Variants in SLC4A4 observed in about 807,000 individuals in gnomAD.
SLC4A4 encodes electrogenic sodium bicarbonate cotransporter 1.
In SLC4A4, 27 loss-of-function variants were observed where a neutral mutation model predicts 111.5. That is an observed-to-expected ratio of 0.24 (90% CI 0.18 to 0.33). The LOEUF is 0.33. SLC4A4 is among the 10% of genes least tolerant of loss of function. SLC4A4 has a pLI of 1.00. For synonymous variants in SLC4A4, 443 were observed against 463.4 expected (o/e 0.96, Z 0.57); for missense variants, 909 against 1,315.5 (o/e 0.69, Z 4.78).
intron 2 of SLC4A4, among the ~76,000 whole-genome samples, chr4:71,163,882 C>A (rs917082515): frequency 1.3e-5 from 2 of 152,224 alleles, no homozygotes. Context: ...AAACTAATTT[C>A]TTGTCCTATT....
intron 2 of SLC4A4, among the ~76,000 whole-genome samples, chr4:71,179,252 T>G (rs1017446198): frequency 2.0e-5 from 3 of 152,166 alleles, no homozygotes; most frequent in Admixed American, 6.5e-5. Context: ...AATATCATAC[T>G]GAATGGGCAA....
In SLC4A4 at chr4:71,339,365, T is replaced by C; in HGVS notation, c.254-5T>C. On this transcript the variant is annotated splice_region_variant and splice_polypyrimidine_tract_variant and intron_variant, in intron 3 of 25. Coordinates refer to ENST00000264485, the MANE Select transcript of SLC4A4 (RefSeq NM_001098484.3). ...TGTTTAACCACAGTATTTTCACTTC[T>C]GCAGTCTCTCCTGCTGCAGAACGCA... 6.2e-7 allele frequency: 1 copy of C among 1,614,198 alleles called. No individual in the cohort carries two copies. Among genetic ancestry groups the C allele is most frequent in the Non-Finnish European group, 8.5e-7 (1 of 1,180,036 alleles).
At chr4:71,534,081 A>G in intron 17 of SLC4A4, 146 bp from the exon 18 acceptor site, 1 of 706,270 alleles carries the variant, frequency 1.4e-6, no homozygotes, top group Non-Finnish European at 2.5e-6. Context: ...TTGGTGAATA[A>G]TCTTCATTCT....
At chr4:71,175,400 G>T (rs1040358902) in intron 2 of SLC4A4, among the ~76,000 whole-genome samples, 4 of 152,268 alleles carry the variant, frequency 2.6e-5, no homozygotes, top group Admixed American at 1.3e-4. Context: ...CCCAGGAAGC[G>T]CAATGGGTCA....
intron 7 of SLC4A4, chr4:71,436,931 A>G: frequency 3.4e-6 from 1 of 291,584 alleles, no homozygotes; most frequent in Non-Finnish European, 6.6e-6. Flanking sequence ...TCAATGGGAA[A>G]TGAGTTTGCC....
chr4:71,404,888 T>C (rs1349765724), intron 7 of SLC4A4, among the ~76,000 whole-genome samples: 1 of 152,080 alleles, frequency 6.6e-6, no homozygotes, highest in African/African-American at 2.4e-5. Flanking sequence ...CTCCACCTTT[T>C]GGGCTTAAGC....
At chr4:71,437,022 G>A (rs779910564) in intron 7 of SLC4A4, 4 of 366,834 alleles carry the variant, frequency 1.1e-5, no homozygotes, top group South Asian at 2.2e-5. Flanking sequence ...CTACAGATAG[G>A]CCAATGGTCC....
intron 6 of SLC4A4, among the ~76,000 whole-genome samples, chr4:71,388,533 TATTCATTC>T (rs201599029): frequency 7.2e-5 from 11 of 151,814 alleles, no homozygotes; most frequent in African/African-American, 9.7e-5. Flanking sequence ...TATTATATTA[TATTCATTC>T]ATTCATTCAT....
chr4:71,164,239 G>A (rs939405071), intron 2 of SLC4A4, among the ~76,000 whole-genome samples: 1 of 152,088 alleles, frequency 6.6e-6, no homozygotes, highest in African/African-American at 2.4e-5. Flanking sequence ...AAATAAGCTG[G>A]GCATGGTGAC....
intron 2 of SLC4A4, among the ~76,000 whole-genome samples, chr4:71,124,665 G>GTTC (rs1743517875): frequency 6.6e-6 from 1 of 152,138 alleles, no homozygotes; most frequent in African/African-American, 2.4e-5. Context: ...AATGCCTCTT[G>GTTC]AATAGCATTG....
intron 3 of SLC4A4, among the ~76,000 whole-genome samples, chr4:71,284,022 C>A (rs1336202172): frequency 6.6e-6 from 1 of 152,138 alleles, no homozygotes; most frequent in Non-Finnish European, 1.5e-5. Context: ...GTCTAAACTT[C>A]TATGGGAAAC....
chr4:71,369,063 T>C (rs866750397), intron 6 of SLC4A4, among the ~76,000 whole-genome samples: 14 of 152,280 alleles, frequency 9.2e-5, no homozygotes, highest in Admixed American at 5.2e-4. Flanking sequence ...GCTTGAGAAC[T>C]CAGTGCCCTG....
intron 12 of SLC4A4, 82 bp from the exon 13 acceptor site, chr4:71,466,362 G>A (rs1018984979): frequency 9.4e-6 from 14 of 1,496,812 alleles, no homozygotes; most frequent in African/African-American, 4.1e-5. Flanking sequence ...GTATATTCAC[G>A]TGGCTTTATT....
intron 3 of SLC4A4, among the ~76,000 whole-genome samples, chr4:71,323,724 G>A (rs949350233): frequency 1.3e-5 from 2 of 151,992 alleles, no homozygotes; most frequent in African/African-American, 4.8e-5. Context: ...TCTGAACTCT[G>A]TACTTACCCC....
At chr4:71,412,699 T>C (rs1303565518) in intron 7 of SLC4A4, among the ~76,000 whole-genome samples, 1 of 152,120 alleles carries the variant, frequency 6.6e-6, no homozygotes, top group Non-Finnish European at 1.5e-5. Context: ...ATGTTAGATG[T>C]CCTAGCACAG....
chr4:71,528,239 T>C (rs1199844420), intron 16 of SLC4A4, among the ~76,000 whole-genome samples: 1 of 152,086 alleles, frequency 6.6e-6, no homozygotes, highest in Non-Finnish European at 1.5e-5. Context: ...TAATATGAGG[T>C]TTTTGAAGTT....
chr4:71,233,182 G>C (rs1455997510), intron 1 of SLC4A4: 1 of 748,316 alleles, frequency 1.3e-6, no homozygotes, highest in African/African-American at 1.9e-5. Flanking sequence ...CTTGCTCACT[G>C]TAACTCTAGT....
chr4:71,238,887 G>GT (rs1384718677), intron 2 of SLC4A4, among the ~76,000 whole-genome samples: 1 of 152,032 alleles, frequency 6.6e-6, no homozygotes, highest in Non-Finnish European at 1.5e-5. Flanking sequence ...ATGGACAGGG[G>GT]TTTTTTGGCA....
At chr4:71,517,471 T>G (rs77475964) in intron 16 of SLC4A4, among the ~76,000 whole-genome samples, 3 of 152,286 alleles carry the variant, frequency 2.0e-5, no homozygotes, top group Non-Finnish European at 4.4e-5. Context: ...ATTTTGAATG[T>G]AAGTAATTTC....
Sources: allele counts gnomAD v4.1 joint callset (sites outside exome capture counted in the v4.1 genomes callset), GRCh38; gene constraint gnomAD v4.1.1; transcripts MANE v1.5; gene names NCBI Gene and HGNC (gene_info 2026-07-23, HGNC 2026-07-21).